The following BOD1L1 variants were observed in gnomAD, a reference collection of about 807,000 sequenced individuals.
BOD1L1 encodes the protein biorientation of chromosomes in cell division protein 1-like 1.
Under a neutral mutation model 240.7 loss-of-function variants are expected in BOD1L1, and 86 were observed. That is an observed-to-expected ratio of 0.36 (90% confidence interval 0.30 to 0.43). The LOEUF is 0.43. Among genes scored for constraint, BOD1L1 ranks in the 20% least tolerant of loss-of-function variants. The probability of loss-of-function intolerance (pLI) is 1.00; values close to 1 mark genes in which losing one functional copy is unlikely to be tolerated. For synonymous variants in BOD1L1, 1,268 were observed against 1,272.3 expected, an observed-to-expected ratio of 1.00 and a Z score of 0.07; for missense variants, 3,554 against 3,643.5, an observed-to-expected ratio of 0.98 and a Z score of 0.63.
At chr4:13,624,052 G>A (rs1442684355) in intron 1 of BOD1L1, 1 of 151,674 alleles carries the variant, frequency 6.6e-6, no homozygotes, top group African/African-American at 2.4e-5. Context: ...ATAAGAAAAT[G>A]AAGTATAAAA....
At chr4:13,596,975 T>A in intron 11 of BOD1L1, 129 bp downstream of exon 11, 1 of 723,560 alleles carries the variant, frequency 1.4e-6, no homozygotes, top group East Asian at 2.7e-5. Flanking sequence ...GATATGGCAA[T>A]AACAACACTA....
chr4:13,601,947 A>G lies in BOD1L1; in HGVS notation c.4953T>C (p.Asp1651=), dbSNP rs762490207. 5 of 1,613,956 alleles carry G rather than the reference A, an allele frequency of 3.1e-6. No homozygotes were observed. In the South Asian group the frequency reaches 4.4e-5, roughly 14 times the overall value. ...CAGAGCCTGCACTGGTTACAGCATCATCCTTTTCCTCTGTCACAACGCTAT... is the reference window on the plus strand; with the variant it reads ...CAGAGCCTGCACTGGTTACAGCATCGTCCTTTTCCTCTGTCACAACGCTAT... The part of the protein sequence containing the change: ...NVNSVVTEEK[D]DAVTSAGSEE... The change falls in exon 10 of 26, where the codon GAT becomes GAC. Residue 1651 remains aspartate (D), a synonymous_variant. Transcript: ENST00000040738.
chr4:13,582,221 G>T lies in BOD1L1; in HGVS notation c.8592+16C>A. 2 of 1,600,724 alleles carry T rather than the reference G, an allele frequency of 1.2e-6. No individual in the cohort carries two copies. ...TAAATAATTGTGAACAAACAAATAC[G>T]AAAAGCACATCTCACCTCCTGAGAT... is the stretch of plus-strand genomic sequence containing the variant. On this transcript the variant is annotated intron_variant, in intron 19 of 25. Coordinates refer to ENST00000040738, the MANE Select transcript of BOD1L1 (RefSeq NM_148894.3).
rs1716337371 is a variant in BOD1L1 at position 13,613,441 on chromosome 4, T to C, written c.1324+71A>G. 7.2e-7 allele frequency: 1 copy of C among 1,386,364 alleles called. No individual in the cohort carries two copies. The highest frequency in any genetic ancestry group is 9.9e-7 in the Non-Finnish European group (1 of 1,009,258). The allele number at this position is 1,386,364 out of a possible 1,614,324, so 85.9% of individuals were successfully genotyped here. Reference sequence around the variant, plus strand: ...TACTATACCACACTGTTTCTCAGGATATAGCCATCAGAATATACAAATAAT... The same window carrying C: ...TACTATACCACACTGTTTCTCAGGACATAGCCATCAGAATATACAAATAAT... On this transcript the variant is annotated intron_variant, in intron 5 of 25. Coordinates refer to ENST00000040738, the MANE Select transcript of BOD1L1 (RefSeq NM_148894.3). This position sits in a 1 kb window ranked among gnomAD's most constrained non-coding sequence, Gnocchi z 4.0.
chr4:13,590,714 A>C (rs1355474970), intron 13 of BOD1L1, among the ~76,000 whole-genome samples: 1 of 152,200 alleles, frequency 6.6e-6, no homozygotes, highest in Non-Finnish European at 1.5e-5. Flanking sequence ...AATAAGAGAA[A>C]AATTTTCTGA....
intron 3 of BOD1L1, 57 bp downstream of exon 3, chr4:13,615,255 T>G: frequency 1.3e-5 from 19 of 1,456,970 alleles, no homozygotes; most frequent in Non-Finnish European, 1.7e-5. Context: ...ATCCCTAACT[T>G]GATATTCAGT....
rs1715568015 is a variant in BOD1L1 at position 13,604,948 on chromosome 4, T to C, written c.1952A>G (p.Glu651Gly). ...AGATGTCCGTCTTTTATGTTCTCTT[T>C]CTAATTTGGATTCATTTTTGTTTTC... ...VDENKNESKL[E>G]REHKRRTSTP... Residue 651 changes from glutamate to glycine, a missense_variant, in exon 10 of 26, where the codon GAA becomes GGA. By Grantham distance (98) the Glu-to-Gly change is moderately conservative. This residue lies in a region of BOD1L1 where 3,393 missense variants were observed against 3,427.1 expected (regional missense o/e 0.99). Transcript: ENST00000040738. The C allele has an allele frequency of 6.2e-7, 1 of 1,613,678 alleles. No homozygotes were observed. Among genetic ancestry groups the C allele is most frequent in the Admixed American group, 1.7e-5 (1 of 59,940 alleles).
intron 2 of BOD1L1, 145 bp from the exon 3 acceptor site, chr4:13,615,647 C>A (rs2108987332): frequency 2.6e-6 from 2 of 773,052 alleles, no homozygotes; most frequent in Non-Finnish European, 4.0e-6. Flanking sequence ...TGGATATAGA[C>A]AATGGAAACT....
intron 25 of BOD1L1, among the ~76,000 whole-genome samples, chr4:13,576,439 C>T (rs777214154): frequency 7.2e-5 from 11 of 152,212 alleles, no homozygotes; most frequent in East Asian, 5.8e-4. Flanking sequence ...CATGTGATGA[C>T]GGTGCGTGGG....
rs781507332 is a variant in BOD1L1 at position 13,590,319 on chromosome 4, T to A, written c.8209+67A>T. On this transcript the variant is annotated intron_variant, in intron 14 of 25. Coordinates refer to ENST00000040738, the MANE Select transcript of BOD1L1 (RefSeq NM_148894.3). Reference sequence around the variant, plus strand: ...AAAATAATTAACACAAGGCCTGGTATACAGACCACACTCAATAAATGTTAA... The same window carrying A: ...AAAATAATTAACACAAGGCCTGGTAAACAGACCACACTCAATAAATGTTAA... 8.2e-6 allele frequency: 7 copies of A among 855,350 alleles called. No homozygotes were observed. In the African/African-American group the frequency reaches 1.2e-4, roughly 15 times the overall value. The allele number at this position is 855,350 out of a possible 1,614,324, so 53.0% of individuals were successfully genotyped here.
Position 13,591,868 on chromosome 4 carries a change from A to C in BOD1L1, c.8148+55T>G, listed in dbSNP as rs190212362. The C allele has an allele frequency of 2.1e-4, 294 of 1,391,724 alleles. 3 individuals are homozygous for C. The African/African-American group carries it at 3.5e-3, about 17-fold the overall frequency. 86.2% of individuals were successfully genotyped at this position (1,391,724 alleles called of 1,614,324 possible). ...CTCCTCCTCAATAGCTCTCCAAAAA[A>C]ATAAAATTAAAAAACCCAATAACCA... On this transcript the variant is annotated intron_variant, in intron 13 of 25. Transcript: ENST00000040738.
At chr4:13,570,256 A>G in intron 25 of BOD1L1, 128 bp from the exon 26 acceptor site, 1 of 616,614 alleles carries the variant, frequency 1.6e-6, no homozygotes, top group Non-Finnish European at 2.6e-6. Flanking sequence ...AGTAACATTT[A>G]TACATGAAAA....
At chr4:13,625,860 G>A (rs969600037) in intron 1 of BOD1L1, 1 of 152,110 alleles carries the variant, frequency 6.6e-6, no homozygotes, top group African/African-American at 2.4e-5. Flanking sequence ...CCAATATCCC[G>A]AAAAACCACG....
chr4:13,584,455 T>A (rs1415910373), intron 17 of BOD1L1, among the ~76,000 whole-genome samples: 3,111 of 148,208 alleles, frequency 0.021, 118 homozygotes, highest in African/African-American at 0.077. Context: ...TGTGTGTGTG[T>A]GTGTGTGTGT....
chr4:13,570,041 C>G lies in BOD1L1; in HGVS notation c.9126G>C (p.Glu3042Asp), dbSNP rs1481179615. ...GCTTCGCTTTTTTCACAGGGGCTTC[C>G]TCCACCCTTTGCTGGCCTCTTGTTC... ...GARTRGQQRV[E>D]EAPVKKAKR Residue 3042 changes from glutamate to aspartate, a missense_variant, in exon 26 of 26, where the codon GAG becomes GAC. Physicochemically the swap from Glu to Asp is conservative, Grantham distance 45 (BLOSUM62 2). Coordinates refer to ENST00000040738, the MANE Select transcript of BOD1L1 (RefSeq NM_148894.3). 6.2e-7 allele frequency: 1 copy of G among 1,606,258 alleles called. No homozygotes were observed. The highest frequency in any genetic ancestry group is 1.3e-5 in the African/African-American group (1 of 74,396).
chr4:13,623,091 C>T (rs1717148207), intron 1 of BOD1L1, among the ~76,000 whole-genome samples: 2 of 152,206 alleles, frequency 1.3e-5, no homozygotes, highest in Admixed American at 6.5e-5. Context: ...TGAAACCTAC[C>T]CTGAACAGCT....
intron 1 of BOD1L1, among the ~76,000 whole-genome samples, chr4:13,620,721 T>G (rs1716977142): frequency 6.6e-6 from 1 of 152,120 alleles, no homozygotes; most frequent in South Asian, 2.1e-4. Flanking sequence ...CATCCTACAG[T>G]GCAAGAGTAA....
chr4:13,590,370 A>G lies in BOD1L1; in HGVS notation c.8209+16T>C. The G allele has an allele frequency of 1.4e-6, 2 of 1,384,064 alleles. No individual in the cohort carries two copies. Among genetic ancestry groups the G allele is most frequent in the East Asian group, 2.4e-5 (1 of 40,828 alleles). The allele number at this position is 1,384,064 out of a possible 1,614,324, so 85.7% of individuals were successfully genotyped here. On this transcript the variant is annotated intron_variant, in intron 14 of 25. Transcript: ENST00000040738. ...CTATAATATTAAAACTATAACTATG[A>G]AATTCATTAACTTACCTCCTTTGTT...
chr4:13,585,227 C>A (rs1713576887), intron 17 of BOD1L1, among the ~76,000 whole-genome samples: 1 of 152,018 alleles, frequency 6.6e-6, no homozygotes, highest in Non-Finnish European at 1.5e-5. Flanking sequence ...GGTTATTAAA[C>A]CTTTTCCTAC....
Sources: gnomAD v4.1 joint callset for allele counts (sites outside exome capture counted in the v4.1 genomes callset) on GRCh38, gnomAD v4.1.1 for gene constraint, gnomAD v4.1.1 regional missense constraint, Gnocchi (gnomAD v3.1) non-coding constraint, MANE v1.5 for transcripts, NCBI Gene and HGNC (gene_info 2026-07-23, HGNC 2026-07-21) for gene names.